Variants in ATG10 observed in about 807,000 individuals in gnomAD.
The protein encoded by ATG10 is ubiquitin-like-conjugating enzyme ATG10.
Under a neutral mutation model 32.1 loss-of-function variants are expected in ATG10, and 30 were observed. That is an observed-to-expected ratio of 0.94 (90% CI 0.70 to 1.27). The LOEUF is 1.27. Among genes scored for constraint, ATG10 ranks in the 50% most tolerant of loss-of-function variants. The probability of loss-of-function intolerance (pLI) is 0.00; values close to 1 mark genes in which losing one functional copy is unlikely to be tolerated. For missense variants in ATG10, 233 were observed against 262.3 expected (o/e 0.89, Z 0.77); for synonymous variants, 87 against 91.5 (o/e 0.95, Z 0.28).
intron 1 of ATG10, among the ~76,000 whole-genome samples, chr5:81,985,175 G>C (rs1013773345): frequency 2.0e-5 from 3 of 152,154 alleles, no homozygotes; most frequent in African/African-American, 4.8e-5. Context: ...GTTCAGTTTT[G>C]TTACTAAGTA....
chr5:82,132,574 G>A (rs781645764), intron 3 of ATG10, among the ~76,000 whole-genome samples: 27 of 152,008 alleles, frequency 1.8e-4, no homozygotes, highest in Non-Finnish European at 3.4e-4. Flanking sequence ...TCCCTGCAAT[G>A]GACATGAACT....
At chr5:81,984,075 C>T (rs1414646460) in intron 1 of ATG10, among the ~76,000 whole-genome samples, 3 of 152,204 alleles carry the variant, frequency 2.0e-5, no homozygotes, top group African/African-American at 4.8e-5. Context: ...CCAAGGCAGG[C>T]GGCTGGGAGG....
At chr5:82,040,468 T>C (rs556988689) in intron 2 of ATG10, among the ~76,000 whole-genome samples, 2 of 152,156 alleles carry the variant, frequency 1.3e-5, no homozygotes, top group Non-Finnish European at 2.9e-5. Context: ...GCACTATAAA[T>C]CATAAATGTT....
At chr5:82,152,631 G>A (rs1423078350) in intron 3 of ATG10, among the ~76,000 whole-genome samples, 1 of 152,116 alleles carries the variant, frequency 6.6e-6, no homozygotes, top group Non-Finnish European at 1.5e-5. Flanking sequence ...CTGGGTAGGA[G>A]GGCTACTTTC....
chr5:81,994,660 G>A (rs1761608374), intron 2 of ATG10, among the ~76,000 whole-genome samples: 1 of 152,140 alleles, frequency 6.6e-6, no homozygotes, highest in African/African-American at 2.4e-5. Context: ...TTTAATTAAA[G>A]CCTCTTTTTT....
At chr5:82,101,491 T>C (rs907613479) in intron 3 of ATG10, among the ~76,000 whole-genome samples, 1 of 152,168 alleles carries the variant, frequency 6.6e-6, no homozygotes, top group Non-Finnish European at 1.5e-5. Flanking sequence ...TCTAGCTAGG[T>C]GTATTGCCCA....
At chr5:81,986,466 C>A (rs1761276620) in intron 1 of ATG10, among the ~76,000 whole-genome samples, 1 of 152,052 alleles carries the variant, frequency 6.6e-6, no homozygotes. Context: ...TATATTTTTT[C>A]ATTTTTGTAT....
intron 3 of ATG10, among the ~76,000 whole-genome samples, chr5:82,156,958 C>T (rs1204841680): frequency 1.3e-5 from 2 of 152,214 alleles, no homozygotes; most frequent in East Asian, 3.9e-4. Context: ...GCTCCAGGCA[C>T]TAGCTGTCTT....
At chr5:82,049,478 C>T (rs1220687985) in intron 2 of ATG10, among the ~76,000 whole-genome samples, 1 of 151,594 alleles carries the variant, frequency 6.6e-6, no homozygotes, top group Admixed American at 6.6e-5. Context: ...TGCAGCGCAC[C>T]AGCATGGCAC....
chr5:82,100,232 C>T (rs1416346596), intron 3 of ATG10, among the ~76,000 whole-genome samples: 1 of 151,932 alleles, frequency 6.6e-6, no homozygotes, highest in African/African-American at 2.4e-5. Context: ...GTCTCGAACT[C>T]GTGATCTCAG....
At chr5:82,195,485 G>A (rs1744818125) in intron 5 of ATG10, among the ~76,000 whole-genome samples, 1 of 152,056 alleles carries the variant, frequency 6.6e-6, no homozygotes, top group Admixed American at 6.6e-5. Context: ...ATCTTGGAGG[G>A]GTTTGTATGG....
At chr5:82,186,075 T>C (rs1271756708) in intron 5 of ATG10, among the ~76,000 whole-genome samples, 1 of 152,214 alleles carries the variant, frequency 6.6e-6, no homozygotes, top group African/African-American at 2.4e-5. Context: ...GGAAGTGGTT[T>C]AATTCTTAAA....
At chr5:82,148,116 C>A (rs1480803319) in intron 3 of ATG10, 1 of 152,138 alleles carries the variant, frequency 6.6e-6, no homozygotes, top group Non-Finnish European at 1.5e-5. Context: ...TGGAACTAAA[C>A]CACACCTATT....
chr5:81,997,790 G>A (rs1761712431), intron 2 of ATG10, among the ~76,000 whole-genome samples: 1 of 152,136 alleles, frequency 6.6e-6, no homozygotes, highest in Non-Finnish European at 1.5e-5. Flanking sequence ...AAGAATCTAA[G>A]AGCTTGAAGA....
At chr5:82,106,512 CCATTGTTCTTTGTTT>C in intron 3 of ATG10, among the ~76,000 whole-genome samples, 1 of 152,102 alleles carries the variant, frequency 6.6e-6, no homozygotes, top group Non-Finnish European at 1.5e-5. Context: ...CTGTGGTTTA[CCATTGTTCTTTGTTT>C]CATTTACCAG....
At chr5:82,054,304 A>C (rs1763520705) in intron 2 of ATG10, among the ~76,000 whole-genome samples, 1 of 152,172 alleles carries the variant, frequency 6.6e-6, no homozygotes, top group Admixed American at 6.5e-5. Context: ...AGTGCTTCCA[A>C]AATGTGCATA....
intron 3 of ATG10, among the ~76,000 whole-genome samples, chr5:82,114,749 T>C (rs904182756): frequency 3.5e-4 from 54 of 152,176 alleles, no homozygotes; most frequent in Admixed American, 5.9e-4. Flanking sequence ...AGACTTGTTT[T>C]CTAAGTTCTA....
At chr5:82,124,497 T>C (rs923044219) in intron 3 of ATG10, among the ~76,000 whole-genome samples, 2 of 151,700 alleles carry the variant, frequency 1.3e-5, no homozygotes, top group African/African-American at 4.8e-5. Flanking sequence ...CCCCTCCCTG[T>C]GCCGTGCATT....
intron 2 of ATG10, among the ~76,000 whole-genome samples, chr5:82,044,335 A>C (rs957525689): frequency 6.6e-6 from 1 of 152,054 alleles, no homozygotes; most frequent in African/African-American, 2.4e-5. Context: ...TGATCCGTTT[A>C]CCTCCCACCA....
Sources: gnomAD v4.1 joint callset for allele counts (sites outside exome capture counted in the v4.1 genomes callset) on GRCh38, gnomAD v4.1.1 for gene constraint, MANE v1.5 for transcripts, NCBI Gene and HGNC (gene_info 2026-07-23, HGNC 2026-07-21) for gene names.